Variants in PTCHD4 observed in about 807,000 individuals in gnomAD.
PTCHD4 encodes the protein patched domain containing 4.
Under a neutral mutation model 58.1 loss-of-function variants are expected in PTCHD4, and 33 were observed. The ratio of observed to expected loss-of-function variants is 0.57; its 90% CI spans 0.43 to 0.76. The LOEUF is 0.76. Ranked by LOEUF, PTCHD4 falls within the 30% of genes least tolerant of loss-of-function variation. The pLI is 0.00. For missense variants in PTCHD4, 1,058 were observed against 1,027.1 expected, an observed-to-expected ratio of 1.03 and a Z score of -0.41; for synonymous variants, 478 against 409.6, an observed-to-expected ratio of 1.17 and a Z score of -2.02.
At chr6:47,931,585 A>G (rs1220787942) in intron 4 of PTCHD4, among the ~76,000 whole-genome samples, 1 of 152,228 alleles carries the variant, frequency 6.6e-6, no homozygotes, top group Admixed American at 6.5e-5. Flanking sequence ...CAATGAAATA[A>G]TTCCTTTACT....
chr6:47,862,240 CT>C lies in PTCHD4; in HGVS notation c.*16062del, dbSNP rs35015148. ...AATCATTACTTTTGTTGCATTATGG[CT>C]TTTTTTTTAATATCTTGGGTCTGGC... On this transcript the variant is annotated 3_prime_UTR_variant, in exon 5 of 5. Transcript: ENST00000339488. Among the ~76,000 whole-genome samples, 231 of 149,442 alleles carry C rather than the reference CT, an allele frequency of 1.5e-3. No individual in the cohort carries two copies. The highest frequency in any genetic ancestry group is 5.5e-3 in the African/African-American group (224 of 40,848).
At chr6:48,052,713 AAGAC>A (rs1414922111) in intron 3 of PTCHD4, among the ~76,000 whole-genome samples, 2 of 152,052 alleles carry the variant, frequency 1.3e-5, no homozygotes, top group Non-Finnish European at 1.5e-5. Flanking sequence ...CTTTCTGTCA[AAGAC>A]AGAGTATTTA....
chr6:48,005,845 T>C (rs1258498267), intron 4 of PTCHD4, among the ~76,000 whole-genome samples: 3 of 152,238 alleles, frequency 2.0e-5, no homozygotes, highest in Non-Finnish European at 4.4e-5. Flanking sequence ...TCCTTTATTT[T>C]ATATATGAAG....
chr6:47,884,057 T>C (rs1327483599), intron 4 of PTCHD4, among the ~76,000 whole-genome samples: 2 of 82,410 alleles, frequency 2.4e-5, no homozygotes, highest in African/African-American at 3.5e-5. Context: ...TTTATTCCAG[T>C]CATTTGTTTA....
At chr6:47,974,518 TGGG>T (rs368730313) in intron 4 of PTCHD4, among the ~76,000 whole-genome samples, 2 of 151,570 alleles carry the variant, frequency 1.3e-5, no homozygotes, top group African/African-American at 2.4e-5. Context: ...TTTGTTGTTG[TGGG>T]GGGGGCTGTC....
chr6:47,910,275 C>T (rs538383351), intron 4 of PTCHD4, among the ~76,000 whole-genome samples: 3 of 152,216 alleles, frequency 2.0e-5, no homozygotes, highest in Non-Finnish European at 4.4e-5. Flanking sequence ...CTAGTCAAGA[C>T]GTCCATTGCC....
intron 4 of PTCHD4, among the ~76,000 whole-genome samples, chr6:47,905,947 T>G (rs1764867952): frequency 6.6e-6 from 1 of 152,250 alleles, no homozygotes. Context: ...CTTGCTGGAC[T>G]CTATTGCTTG....
rs762746743 is a variant in PTCHD4 at position 47,878,993 on chromosome 6, G to A, written c.1842C>T (p.Asp614=). Residue 614 remains aspartate, a synonymous_variant, in exon 5 of 5, where the codon GAC becomes GAT. Coordinates refer to ENST00000339488, the MANE Select transcript of PTCHD4 (RefSeq NM_001384253.1). ...ACACTTCTGTGATTTCTTTCTGCTT[G>A]TCTCTGCTAGTCCTGGCCACCAGAT... is the stretch of plus-strand genomic sequence containing the variant. ...RLYLVARTSR[D]KQKEITEVLE... 3 of 1,613,212 alleles carry A rather than the reference G, an allele frequency of 1.9e-6. No homozygotes were observed. The highest frequency in any genetic ancestry group is 2.2e-5 in the East Asian group (1 of 44,854).
intron 3 of PTCHD4, among the ~76,000 whole-genome samples, chr6:48,048,846 T>C (rs1764130138): frequency 6.6e-6 from 1 of 151,996 alleles, no homozygotes; most frequent in South Asian, 2.1e-4. Context: ...CAGTGGAGAA[T>C]ATATTTTAGT....
chr6:48,096,622 A>AG (rs1765475368), intron 1 of PTCHD4, among the ~76,000 whole-genome samples: 1 of 151,688 alleles, frequency 6.6e-6, no homozygotes, highest in African/African-American at 2.4e-5. Flanking sequence ...AAAAAAAAAA[A>AG]AAAAGAAATA....
rs1345687382 is a variant in PTCHD4, at chr6:47,867,029, A to G, written c.*11274T>C. 6.6e-6 allele frequency among the ~76,000 whole-genome samples: 1 copy of G among 151,860 alleles called. No individual in the cohort carries two copies. Among genetic ancestry groups the G allele is most frequent in the African/African-American group, 2.4e-5 (1 of 41,404 alleles). ...TGATGAAAAGATGATATATTTTACC[A>G]TAGGGACATAGTACTTGTTTACAAT... On this transcript the variant is annotated 3_prime_UTR_variant, in exon 5 of 5. Coordinates refer to ENST00000339488, the MANE Select transcript of PTCHD4 (RefSeq NM_001384253.1).
chr6:47,941,275 C>T (rs1230669634), intron 4 of PTCHD4, among the ~76,000 whole-genome samples: 2 of 152,194 alleles, frequency 1.3e-5, no homozygotes, highest in South Asian at 2.1e-4. Flanking sequence ...ACATGTACCA[C>T]AGCAGAAGTG....
intron 4 of PTCHD4, among the ~76,000 whole-genome samples, chr6:47,894,902 C>T (rs1270301307): frequency 6.6e-6 from 1 of 152,148 alleles, no homozygotes; most frequent in Non-Finnish European, 1.5e-5. Flanking sequence ...GAGGCTGAGG[C>T]AGGTGGATCA....
chr6:47,896,614 A>G (rs1764537566), intron 4 of PTCHD4, among the ~76,000 whole-genome samples: 1 of 152,194 alleles, frequency 6.6e-6, no homozygotes, highest in Non-Finnish European at 1.5e-5. Context: ...TTATAAGCAC[A>G]GTAGTTTTTT....
chr6:47,954,131 C>T (rs916559777), intron 4 of PTCHD4, among the ~76,000 whole-genome samples: 11 of 151,984 alleles, frequency 7.2e-5, no homozygotes, highest in African/African-American at 2.4e-4. Context: ...CTGAGGTGGG[C>T]GGATCACTTG....
intron 3 of PTCHD4, among the ~76,000 whole-genome samples, chr6:48,033,820 C>T (rs1029461167): frequency 6.6e-6 from 1 of 151,972 alleles, no homozygotes; most frequent in African/African-American, 2.4e-5. Flanking sequence ...ATTTCAAGAG[C>T]CTGTGTTGGT....
At chr6:47,890,459 C>G (rs1306532361) in intron 4 of PTCHD4, among the ~76,000 whole-genome samples, 2 of 152,112 alleles carry the variant, frequency 1.3e-5, no homozygotes, top group Admixed American at 6.6e-5. Context: ...TTTTTGTAAG[C>G]CTCCACGTAT....
At position 47,859,121 on chromosome 6, in the gene PTCHD4, G is replaced by A. The variant is rs1033994914; in HGVS notation, c.*19182C>T. The stretch of plus-strand genomic sequence containing the variant: ...TCAGGGTAACTTTGTGTATTTGTGT[G>A]CATACTCTTACAATTCCAGCTGAAA... On this transcript the variant is annotated 3_prime_UTR_variant, in exon 5 of 5. Coordinates refer to ENST00000339488, the MANE Select transcript of PTCHD4 (RefSeq NM_001384253.1). Among the ~76,000 whole-genome samples the A allele has an allele frequency of 1.4e-4, 21 of 152,018 alleles. No individual in the cohort carries two copies. The highest frequency in any genetic ancestry group is 4.8e-4 in the African/African-American group (20 of 41,412).
chr6:47,968,014 T>C (rs1265023622), intron 4 of PTCHD4, among the ~76,000 whole-genome samples: 2 of 152,192 alleles, frequency 1.3e-5, no homozygotes, highest in Admixed American at 1.3e-4. Flanking sequence ...ATTTACAACT[T>C]GGCTAGCTGG....
Sources: allele counts gnomAD v4.1 joint callset (sites outside exome capture counted in the v4.1 genomes callset), GRCh38; gene constraint gnomAD v4.1.1; transcripts MANE v1.5; gene names NCBI Gene and HGNC (gene_info 2026-07-23, HGNC 2026-07-21).